ZNF614: variants seen among roughly 807,000 people sequenced by gnomAD.
ZNF614 encodes zinc finger protein 614.
ZNF614 carries 11 observed loss-of-function variants against 12.8 expected under a neutral mutation model. The observed-to-expected ratio is 0.86, with a 90% confidence interval of 0.54 to 1.43. The LOEUF (loss-of-function observed/expected upper bound fraction) is 1.43. ZNF614 is among the 40% of genes most tolerant of loss of function. The pLI, the probability that ZNF614 is intolerant of heterozygous loss-of-function variation, is 0.00. For missense variants in ZNF614, 664 were observed against 708.8 expected, an observed-to-expected ratio of 0.94 and a Z score of 0.72; for synonymous variants, 237 against 237.5, an observed-to-expected ratio of 1.00 and a Z score of 0.02.
chr19:52,026,666 G>A (rs1400158167), intron 1 of ZNF614, among the ~76,000 whole-genome samples: 1 of 152,134 alleles, frequency 6.6e-6, no homozygotes, highest in East Asian at 1.9e-4. Context: ...AAAAGAGGAA[G>A]GCCTCTTTGC....
In ZNF614 at chr19:52,014,798, T is replaced by C. The variant is rs2086886730; in HGVS notation, c.*1042A>G. The stretch of plus-strand genomic sequence containing the variant: ...TTGATCTTCCTAGAGAACAGCCCCA[T>C]TCTGAGGCTGTCTAGGGGAGCAACC... On this transcript the variant is annotated 3_prime_UTR_variant, in exon 5 of 5. Transcript: ENST00000270649. The C allele has an allele frequency of 6.6e-6, 1 of 152,170 alleles. No homozygotes were observed. Among genetic ancestry groups the C allele is most frequent in the Non-Finnish European group, 1.5e-5 (1 of 68,034 alleles). The allele number at this position is 152,170 out of a possible 1,614,324, so 9.4% of individuals were successfully genotyped here.
In ZNF614 at chr19:52,023,231, C is replaced by T. The variant is rs369960187; in HGVS notation, c.15+2500G>A. On this transcript the variant is annotated intron_variant, in intron 2 of 4. Transcript: ENST00000270649. ...TCACCCAGGCTGGAGTGCAGTGGCA[C>T]GATCTCAGTTCACTGCAACCTCCAC... Among the ~76,000 whole-genome samples the T allele has an allele frequency of 2.4e-4, 36 of 150,402 alleles. 1 individual carries two copies. The East Asian group carries it at 3.0e-3, about 13-fold the overall frequency.
intron 1 of ZNF614, 98 bp from the exon 2 acceptor site, chr19:52,026,059 T>G: frequency 3.6e-6 from 1 of 274,728 alleles, no homozygotes; most frequent in South Asian, 5.6e-5. Flanking sequence ...CTAATATTTC[T>G]AACAGTTCCT....
intron 2 of ZNF614, among the ~76,000 whole-genome samples, chr19:52,022,452 A>T (rs1054587815): frequency 6.6e-6 from 1 of 152,222 alleles, no homozygotes; most frequent in African/African-American, 2.4e-5. Flanking sequence ...GGAAGTGAGG[A>T]GCGCCTTTGC....
chr19:52,018,063 T>A lies in ZNF614; in HGVS notation c.183A>T (p.Ala61=), dbSNP rs1485326125. The part of the protein sequence containing the change: ...TSKPDVLSKL[A]HGQEPWTTDA... ...CTGTTGTCCATGGTTCTTGTCCATGTGCCAACTTGGAGAGTACATCTGGTT... is the reference window on the plus strand; with the variant it reads ...CTGTTGTCCATGGTTCTTGTCCATGAGCCAACTTGGAGAGTACATCTGGTT... The change falls in exon 4 of 5, where the codon GCA becomes GCT. Residue 61 remains alanine (A), a synonymous_variant. Transcript: ENST00000270649. The A allele has an allele frequency of 6.2e-7, 1 of 1,614,126 alleles. No individual in the cohort carries two copies. Among genetic ancestry groups the A allele is most frequent in the Admixed American group, 1.7e-5 (1 of 60,018 alleles).
intron 2 of ZNF614, among the ~76,000 whole-genome samples, chr19:52,020,375 T>A (rs568771788): frequency 6.6e-6 from 1 of 152,104 alleles, no homozygotes; most frequent in East Asian, 1.9e-4. Flanking sequence ...ATGACACAAA[T>A]CAGAATCAGC....
chr19:52,016,002 C>A lies in ZNF614; in HGVS notation c.1596G>T (p.Thr532=). 1.2e-6 allele frequency: 2 copies of A among 1,614,176 alleles called. No individual in the cohort carries two copies. The highest frequency in any genetic ancestry group is 2.2e-5 in the South Asian group (2 of 91,086). The change falls in exon 5 of 5, where the codon ACG becomes ACT. Residue 532 remains threonine, a synonymous_variant. Transcript: ENST00000270649. The stretch of plus-strand genomic sequence containing the variant: ...ATCCATACGGCCTCTCTCCTGTATG[C>A]GTTCTTTGATGTACATTGAGTACTG... ...TKSVLNVHQR[T]HTGERPYGCS...
chr19:52,018,487 A>C lies in ZNF614; in HGVS notation c.23T>G (p.Leu8Arg). 6.2e-7 allele frequency: 1 copy of C among 1,614,102 alleles called. No individual in the cohort carries two copies. Among genetic ancestry groups the C allele is most frequent in the East Asian group, 2.2e-5 (1 of 44,886 alleles). Reference protein sequence around the residue: MIKTQESLTLEDVAVEFS... With the variant: MIKTQESRTLEDVAVEFS... ...TTCCACAGCCACATCCTCCAGGGTCAGTGATTCCTGTAATTACAAAGTCCT... is the reference window on the plus strand; with the variant it reads ...TTCCACAGCCACATCCTCCAGGGTCCGTGATTCCTGTAATTACAAAGTCCT... The change falls in exon 3 of 5, where the codon CTG (leucine) becomes CGG (arginine). Residue 8 changes from leucine (L) to arginine (R), a missense_variant. Coordinates refer to ENST00000270649, the MANE Select transcript of ZNF614 (RefSeq NM_025040.4).
At chr19:52,027,838 A>G (rs1374018469) in intron 1 of ZNF614, among the ~76,000 whole-genome samples, 1 of 152,240 alleles carries the variant, frequency 6.6e-6, no homozygotes, top group Non-Finnish European at 1.5e-5. Context: ...CAGCAAGGAT[A>G]CCGAAAACTT....
chr19:52,021,453 TAAG>T (rs2086932564), intron 2 of ZNF614, among the ~76,000 whole-genome samples: 1 of 152,136 alleles, frequency 6.6e-6, no homozygotes, highest in Non-Finnish European at 1.5e-5. Flanking sequence ...GATGTAAACT[TAAG>T]AAGAACTTAT....
In ZNF614 at chr19:52,014,244, A is replaced by C. The variant is rs2086883171; in HGVS notation, c.*1596T>G. ...CACCAATTGGGTGTTCTACAATTCA[A>C]TTCTGAACAACTGGGTGTTCTATAA... On this transcript the variant is annotated 3_prime_UTR_variant, in exon 5 of 5. Transcript: ENST00000270649. The C allele has an allele frequency of 6.6e-6, 1 of 152,142 alleles. No homozygotes were observed. Among genetic ancestry groups the C allele is most frequent in the South Asian group, 2.1e-4 (1 of 4,828 alleles). 9.4% of individuals were successfully genotyped at this position (152,142 alleles called of 1,614,324 possible).
intron 2 of ZNF614, among the ~76,000 whole-genome samples, chr19:52,023,113 A>T (rs2086942916): frequency 6.6e-6 from 1 of 150,788 alleles, no homozygotes; most frequent in African/African-American, 2.4e-5. Flanking sequence ...AAAGAAAAAA[A>T]CTCACAGCCT....
At chr19:52,024,077 G>A (rs2086953140) in intron 2 of ZNF614, among the ~76,000 whole-genome samples, 1 of 152,162 alleles carries the variant, frequency 6.6e-6, no homozygotes, top group African/African-American at 2.4e-5. Context: ...GTCCTGGGAG[G>A]GTAGAATACC....
intron 2 of ZNF614, among the ~76,000 whole-genome samples, chr19:52,021,400 C>G (rs2086932350): frequency 1.3e-5 from 2 of 151,866 alleles, no homozygotes; most frequent in South Asian, 4.1e-4. Context: ...AAGTCACTAC[C>G]TTTTGGAGTA....
At chr19:52,017,591 T>C (rs2086907327) in intron 4 of ZNF614, 1 of 446,516 alleles carries the variant, frequency 2.2e-6, no homozygotes, top group African/African-American at 2.0e-5. Context: ...ATCCCAGCTA[T>C]TCAGGAGGCT....
rs763108123 is a variant in ZNF614, at chr19:52,016,837, G to T, written c.761C>A (p.Thr254Lys). 4 of 1,613,796 alleles carry T rather than the reference G, an allele frequency of 2.5e-6. No individual in the cohort carries two copies. The East Asian group carries it at 8.9e-5, about 36-fold the overall frequency. ...ATTGGGTATACAGATTTTGTCTGTT[G>T]TATTAGTTTTCAGATGCTTAGTGAA... is the stretch of plus-strand genomic sequence containing the variant. ...VLFTKHLKTNTTDKICIPNEY... is the reference protein window; with the variant it reads ...VLFTKHLKTNKTDKICIPNEY... Residue 254 changes from threonine to lysine, a missense_variant, in exon 5 of 5, where the codon ACA becomes AAA. Thr to Lys is a moderately conservative substitution (Grantham distance 78). Transcript: ENST00000270649.
chr19:52,025,891 C>T lies in ZNF614; in HGVS notation c.-146G>A. On this transcript the variant is annotated 5_prime_UTR_variant, in exon 2 of 5. The change creates a premature stop within an existing upstream ORF in the 5' untranslated region. Transcript: ENST00000270649. Reference sequence around the variant, plus strand: ...CCCCAGAAATTATGATATCCAAGGCCAGCAACCTCCTTCTTCTTCCTTCAT... The same window carrying T: ...CCCCAGAAATTATGATATCCAAGGCTAGCAACCTCCTTCTTCTTCCTTCAT... 6.3e-6 allele frequency: 5 copies of T among 790,888 alleles called. No individual in the cohort carries two copies. Among genetic ancestry groups the T allele is most frequent in the Admixed American group, 5.0e-5 (2 of 39,694 alleles). 49.0% of individuals were successfully genotyped at this position (790,888 alleles called of 1,614,324 possible). A position where few individuals can be genotyped will look rare whatever the true frequency, so the allele number is the denominator to read the frequency against.
chr19:52,026,529 G>A (rs1467937071), intron 1 of ZNF614, among the ~76,000 whole-genome samples: 1 of 152,188 alleles, frequency 6.6e-6, no homozygotes, highest in African/African-American at 2.4e-5. Context: ...CCTCTGCCTA[G>A]GAAAACCAGG....
At chr19:52,018,636 C>CT (rs2086915906) in intron 2 of ZNF614, 142 bp from the exon 3 acceptor site, 8 of 806,862 alleles carry the variant, frequency 9.9e-6, no homozygotes, top group Non-Finnish European at 1.5e-5. Context: ...GCAAAATCCT[C>CT]TATCTATACA....
Sources: allele counts gnomAD v4.1 joint callset (sites outside exome capture counted in the v4.1 genomes callset), GRCh38; gene constraint gnomAD v4.1.1; transcripts MANE v1.5; gene names NCBI Gene and HGNC (gene_info 2026-07-23, HGNC 2026-07-21).